DLC1: variants seen among roughly 807,000 people sequenced by gnomAD.
DLC1 encodes the protein rho GTPase-activating protein 7.
A neutral mutation model predicts 140.3 loss-of-function variants in DLC1; 54 were observed. That is an observed-to-expected ratio of 0.38 (90% CI 0.31 to 0.48). DLC1 has a LOEUF of 0.48. Among genes scored for constraint, DLC1 ranks in the 20% least tolerant of loss-of-function variants. The pLI, the probability that DLC1 is intolerant of heterozygous loss-of-function variation, is 0.96. For synonymous variants in DLC1, 986 were observed against 728.1 expected (o/e 1.35, Z -5.70); for missense variants, 2,536 against 1,907.0 (o/e 1.33, Z -6.14).
intron 5 of DLC1, among the ~76,000 whole-genome samples, chr8:13,199,176 T>C (rs975311192): frequency 8.0e-6 from 1 of 125,714 alleles, no homozygotes; most frequent in Non-Finnish European, 1.6e-5. Flanking sequence ...CTTCTCTTTT[T>C]CTTTTTTTTT....
At chr8:13,348,894 G>A (rs1834501005) in intron 4 of DLC1, among the ~76,000 whole-genome samples, 1 of 152,174 alleles carries the variant, frequency 6.6e-6, no homozygotes, top group Non-Finnish European at 1.5e-5. Flanking sequence ...GGGATGGGAA[G>A]TCAGTAAGAG....
At chr8:13,239,625 A>G (rs1241117349) in intron 5 of DLC1, among the ~76,000 whole-genome samples, 1 of 152,192 alleles carries the variant, frequency 6.6e-6, no homozygotes, top group Non-Finnish European at 1.5e-5. Context: ...AAAATTAACC[A>G]GCTCAGATAT....
At chr8:13,402,728 G>C (rs189917978) in intron 2 of DLC1, among the ~76,000 whole-genome samples, 1 of 152,152 alleles carries the variant, frequency 6.6e-6, no homozygotes, top group South Asian at 2.1e-4. Flanking sequence ...GTGATGGTTC[G>C]TTGTGAGATG....
intron 5 of DLC1, chr8:13,276,573 A>ATC (rs1336094369): frequency 7.9e-7 from 1 of 1,265,920 alleles, no homozygotes; most frequent in Non-Finnish European, 9.9e-7. Flanking sequence ...CCCGCGGCCA[A>ATC]GCGCGCGCGG....
chr8:13,246,495 A>G lies in DLC1; in HGVS notation c.1348+58774T>C, dbSNP rs552438264. On this transcript the variant is annotated intron_variant, in intron 5 of 17. Coordinates refer to ENST00000276297, the MANE Select transcript of DLC1 (RefSeq NM_182643.3). ...ACTCATGTGGCATTCTTACGGAGAG[A>G]GAAGGAGAGAGTATGACTGTGTGTG... Among the ~76,000 whole-genome samples, 72 of 152,152 alleles carry G rather than the reference A, an allele frequency of 4.7e-4. 1 individual carries two copies. The highest frequency in any genetic ancestry group is 8.7e-4 in the Non-Finnish European group (59 of 67,988).
At chr8:13,138,807 T>C (rs911867744) in intron 5 of DLC1, among the ~76,000 whole-genome samples, 1 of 152,172 alleles carries the variant, frequency 6.6e-6, no homozygotes, top group Admixed American at 6.6e-5. Flanking sequence ...AAAACCCAAA[T>C]GCTGGAGTGT....
At chr8:13,315,772 C>T (rs1433456672) in intron 4 of DLC1, among the ~76,000 whole-genome samples, 1 of 152,208 alleles carries the variant, frequency 6.6e-6, no homozygotes, top group African/African-American at 2.4e-5. Flanking sequence ...GACAGGGAGT[C>T]ATATGCTCAG....
At chr8:13,097,249 T>TTTATTATTATTATTATTA (rs149250885) in intron 10 of DLC1, among the ~76,000 whole-genome samples, 22 of 147,002 alleles carry the variant, frequency 1.5e-4, no homozygotes, top group African/African-American at 4.3e-4. Context: ...CACATCCAAA[T>TTTATTATTATTATTATTA]TTATTATTAT....
rs545682997 is a variant in DLC1, at chr8:13,261,741, A to T, written c.1348+43528T>A. Among the ~76,000 whole-genome samples, 8 of 152,332 alleles carry T rather than the reference A, an allele frequency of 5.3e-5. No individual in the cohort carries two copies. In the East Asian group the frequency reaches 1.5e-3, roughly 29 times the overall value. On this transcript the variant is annotated intron_variant, in intron 5 of 17. Coordinates refer to ENST00000276297, the MANE Select transcript of DLC1 (RefSeq NM_182643.3). ...AGGGTATGAAAGAAGAGAGGAGACA[A>T]AACTAACTGCTGTGAATGGAGATGA...
chr8:13,312,211 A>C (rs897365188), intron 4 of DLC1, among the ~76,000 whole-genome samples: 2 of 138,388 alleles, frequency 1.4e-5, no homozygotes, highest in Non-Finnish European at 3.1e-5. Flanking sequence ...AATACAAAAA[A>C]TTAGCCGGGC....
At chr8:13,186,810 G>A (rs1288526930) in intron 5 of DLC1, among the ~76,000 whole-genome samples, 1 of 152,220 alleles carries the variant, frequency 6.6e-6, no homozygotes, top group South Asian at 2.1e-4. Context: ...GGACTTTGAT[G>A]TTGGTGACGT....
At chr8:13,193,545 T>G (rs1826879870) in intron 5 of DLC1, among the ~76,000 whole-genome samples, 1 of 152,294 alleles carries the variant, frequency 6.6e-6, no homozygotes, top group South Asian at 2.1e-4. Flanking sequence ...TCCTACTAAC[T>G]CAGTGGGTTA....
intron 4 of DLC1, among the ~76,000 whole-genome samples, chr8:13,345,547 C>CTTTTTTTTTTTTTTTTTGTTT (rs1834291420): frequency 1.5e-5 from 1 of 67,520 alleles, no homozygotes; most frequent in Non-Finnish European, 2.6e-5. Flanking sequence ...TTCACTCACA[C>CTTTTTTTTTTTTTTTTTGTTT]TTTTTTTTTT....
chr8:13,600,290 C>T (rs4531057), intron 1 of DLC1, among the ~76,000 whole-genome samples: 101,036 of 151,620 alleles, frequency 0.67, 33,708 homozygotes, highest in Middle Eastern at 0.73. Context: ...TAGAATTCAA[C>T]GATCAAAACT....
At chr8:13,258,296 G>C (rs1830335715) in intron 5 of DLC1, among the ~76,000 whole-genome samples, 1 of 152,154 alleles carries the variant, frequency 6.6e-6, no homozygotes, top group African/African-American at 2.4e-5. Context: ...GCTTTACTCT[G>C]AATCTCTTGA....
At chr8:13,279,205 G>T (rs991201493) in intron 5 of DLC1, among the ~76,000 whole-genome samples, 3 of 152,200 alleles carry the variant, frequency 2.0e-5, no homozygotes, top group Admixed American at 6.5e-5. Context: ...GGAAATTAAA[G>T]GCAATGAGCC....
At chr8:13,439,087 G>A (rs1563347125) in intron 2 of DLC1, among the ~76,000 whole-genome samples, 2 of 152,124 alleles carry the variant, frequency 1.3e-5, no homozygotes, top group Admixed American at 1.3e-4. Flanking sequence ...AACACTTTGG[G>A]AGGCCAAGGT....
At chr8:13,530,352 G>GT (rs1305877183) in intron 1 of DLC1, among the ~76,000 whole-genome samples, 1 of 152,176 alleles carries the variant, frequency 6.6e-6, no homozygotes, top group African/African-American at 2.4e-5. Context: ...TTACTGCTGA[G>GT]TTTTTAAAAA....
intron 4 of DLC1, among the ~76,000 whole-genome samples, chr8:13,333,559 A>G (rs1018573807): frequency 4.6e-5 from 7 of 152,156 alleles, no homozygotes; most frequent in Non-Finnish European, 7.4e-5. Flanking sequence ...AAAAATAAAC[A>G]TTTTCTAAGA....
Sources: gnomAD v4.1 joint callset for allele counts (sites outside exome capture counted in the v4.1 genomes callset) on GRCh38, gnomAD v4.1.1 for gene constraint, MANE v1.5 for transcripts, NCBI Gene and HGNC (gene_info 2026-07-23, HGNC 2026-07-21) for gene names.